The following EFCAB6 variants were observed in gnomAD, a reference collection of about 807,000 sequenced individuals.
EFCAB6 encodes EF-hand calcium-binding domain-containing protein 6.
A neutral mutation model predicts 169.8 loss-of-function variants in EFCAB6; 156 were observed. The ratio of observed to expected loss-of-function variants is 0.92; its 90% confidence interval spans 0.81 to 1.05. The LOEUF (loss-of-function observed/expected upper bound fraction) is 1.05, where lower values mean the gene tolerates loss of function less well. Ranked by LOEUF, EFCAB6 falls within the 50% of genes least tolerant of loss-of-function variation. The pLI is 0.00. For synonymous variants in EFCAB6, 698 were observed against 676.4 expected (o/e 1.03, Z -0.50); for missense variants, 1,800 against 1,829.1 (o/e 0.98, Z 0.29).
rs547977525 is a variant in EFCAB6, at chr22:43,793,499, T to C, written c.-7-11174A>G. On this transcript the variant is annotated intron_variant, in intron 2 of 31. Coordinates refer to ENST00000262726, the MANE Select transcript of EFCAB6 (RefSeq NM_022785.4). Reference sequence around the variant, plus strand: ...CAAACACTGTAGGCCACTGCAGGCATTGGCTAGGGTCTAGGAAGAGAAAGA... The same window carrying C: ...CAAACACTGTAGGCCACTGCAGGCACTGGCTAGGGTCTAGGAAGAGAAAGA... 5.9e-5 allele frequency among the ~76,000 whole-genome samples: 9 copies of C among 152,328 alleles called. No homozygotes were observed. The East Asian group carries it at 7.7e-4, about 13-fold the overall frequency.
intron 23 of EFCAB6, among the ~76,000 whole-genome samples, chr22:43,599,378 C>T (rs1014050159): frequency 9.9e-5 from 15 of 151,730 alleles, no homozygotes; most frequent in Non-Finnish European, 2.1e-4. Context: ...GTCGTGGTGG[C>T]GTGTGCCTGT....
chr22:43,568,846 G>A (rs2049625679), intron 26 of EFCAB6, among the ~76,000 whole-genome samples: 1 of 152,154 alleles, frequency 6.6e-6, no homozygotes. Flanking sequence ...TGTCTGATGT[G>A]CTTCTTCCAA....
At chr22:43,718,920 G>A (rs2059427190) in intron 8 of EFCAB6, among the ~76,000 whole-genome samples, 1 of 152,230 alleles carries the variant, frequency 6.6e-6, no homozygotes, top group South Asian at 2.1e-4. Context: ...TGAGGAAGCT[G>A]TGTCACAGAA....
intron 21 of EFCAB6, among the ~76,000 whole-genome samples, chr22:43,614,707 T>A (rs1429164276): frequency 6.6e-6 from 1 of 152,188 alleles, no homozygotes; most frequent in Non-Finnish European, 1.5e-5. Flanking sequence ...GCGCAGACAG[T>A]CCACTCCATA....
At chr22:43,582,897 A>G (rs1332526007) in intron 24 of EFCAB6, among the ~76,000 whole-genome samples, 2 of 152,206 alleles carry the variant, frequency 1.3e-5, no homozygotes, top group Admixed American at 6.5e-5. Context: ...GGCTACTGCA[A>G]ACAACTACCT....
chr22:43,810,634 G>C (rs1283927885), intron 1 of EFCAB6, among the ~76,000 whole-genome samples: 2 of 152,154 alleles, frequency 1.3e-5, no homozygotes, highest in Non-Finnish European at 2.9e-5. Flanking sequence ...GTGCTATAGA[G>C]ATCTCTGTAC....
At chr22:43,681,600 T>C (rs1213765669) in intron 12 of EFCAB6, among the ~76,000 whole-genome samples, 1 of 152,264 alleles carries the variant, frequency 6.6e-6, no homozygotes, top group Non-Finnish European at 1.5e-5. Flanking sequence ...TATTTCTATG[T>C]ATTTGATTTT....
At chr22:43,587,844 T>C (rs1158102283) in intron 24 of EFCAB6, among the ~76,000 whole-genome samples, 2 of 152,238 alleles carry the variant, frequency 1.3e-5, no homozygotes, top group Non-Finnish European at 2.9e-5. Flanking sequence ...AGTCAGTTCC[T>C]AGAGTGTTGA....
chr22:43,711,701 A>G, intron 9 of EFCAB6, 78 bp from the exon 10 acceptor site: 4 of 1,512,268 alleles, frequency 2.6e-6, no homozygotes, highest in South Asian at 1.3e-5. Flanking sequence ...TATTTTTACC[A>G]AAAACCTCTT....
At chr22:43,716,657 C>T (rs977966425) in intron 9 of EFCAB6, 191 bp downstream of exon 9, 11 of 525,708 alleles carry the variant, frequency 2.1e-5, no homozygotes, top group African/African-American at 2.0e-4. Flanking sequence ...ATTAATTTCA[C>T]ATCACCATCA....
chr22:43,773,386 T>C (rs547789278), intron 3 of EFCAB6, among the ~76,000 whole-genome samples: 42 of 152,360 alleles, frequency 2.8e-4, no homozygotes, highest in African/African-American at 7.9e-4. Flanking sequence ...GTGAAAAACA[T>C]GGATATTGAA....
chr22:43,614,176 G>GAAAAAAAA (rs1569248978), intron 21 of EFCAB6, among the ~76,000 whole-genome samples: 2 of 8,898 alleles, frequency 2.2e-4, no homozygotes, highest in Admixed American at 1.7e-3. Flanking sequence ...ACACAATACT[G>GAAAAAAAA]CAAAAAAAAA....
intron 26 of EFCAB6, among the ~76,000 whole-genome samples, chr22:43,564,849 T>C (rs867287216): frequency 1.5e-4 from 23 of 152,338 alleles, no homozygotes; most frequent in African/African-American, 5.5e-4. Context: ...ACGACTTCTA[T>C]GGATGATCGG....
intron 15 of EFCAB6, among the ~76,000 whole-genome samples, chr22:43,670,193 C>T (rs1461830288): frequency 6.6e-6 from 1 of 152,114 alleles, no homozygotes; most frequent in Non-Finnish European, 1.5e-5. Flanking sequence ...TTCCCTGAGC[C>T]TATATGAAAG....
chr22:43,546,655 G>A (rs2048074984), intron 27 of EFCAB6, among the ~76,000 whole-genome samples: 1 of 152,168 alleles, frequency 6.6e-6, no homozygotes, highest in Admixed American at 6.5e-5. Context: ...CAGATCACCT[G>A]AGGTCAGGAG....
At chr22:43,570,131 C>T (rs191948839) in intron 26 of EFCAB6, 3 of 152,154 alleles carry the variant, frequency 2.0e-5, no homozygotes, top group African/African-American at 2.4e-5. Context: ...TCTCTTGGAA[C>T]AAAAAACATC....
intron 6 of EFCAB6, among the ~76,000 whole-genome samples, chr22:43,745,018 C>A (rs2060511809): frequency 6.6e-6 from 1 of 152,168 alleles, no homozygotes; most frequent in Admixed American, 6.5e-5. Flanking sequence ...GAAGATATTC[C>A]TATGGGACAA....
intron 22 of EFCAB6, among the ~76,000 whole-genome samples, chr22:43,604,189 T>C (rs2052745097): frequency 6.6e-6 from 1 of 152,182 alleles, no homozygotes; most frequent in Non-Finnish European, 1.5e-5. Flanking sequence ...CTTTATACGT[T>C]ACCCAGTCTC....
intron 10 of EFCAB6, 63 bp downstream of exon 10, chr22:43,711,410 CTG>C: frequency 7.0e-7 from 1 of 1,430,752 alleles, no homozygotes; most frequent in Non-Finnish European, 9.2e-7. Context: ...ATAAACGAAG[CTG>C]TGCCTTATTC....
Sources: gnomAD v4.1 joint callset for allele counts (sites outside exome capture counted in the v4.1 genomes callset) on GRCh38, gnomAD v4.1.1 for gene constraint, MANE v1.5 for transcripts, NCBI Gene and HGNC (gene_info 2026-07-23, HGNC 2026-07-21) for gene names.